The following NF2 variants were observed in gnomAD, a reference collection of about 807,000 sequenced individuals.
NF2 encodes NF2, moesin-ezrin-radixin like (MERLIN) tumor suppressor, also known as merlin.
NF2 carries 8 observed loss-of-function variants against 83.7 expected under a neutral mutation model. The observed-to-expected ratio is 0.10, with a 90% CI of 0.06 to 0.17. NF2 has a LOEUF of 0.17. NF2 is among the 10% of genes least tolerant of loss of function. The pLI is 1.00. For missense variants in NF2, 533 were observed against 744.4 expected (o/e 0.72, Z 3.31); for synonymous variants, 266 against 269.6 (o/e 0.99, Z 0.13).
intron 8 of NF2, among the ~76,000 whole-genome samples, chr22:29,661,903 T>G (rs1276941880): frequency 2.0e-5 from 3 of 152,208 alleles, no homozygotes; most frequent in Non-Finnish European, 4.4e-5. Context: ...GTGTTTTGTG[T>G]GTGTATCTCT....
chr22:29,638,803 T>C (rs1198071972), intron 2 of NF2, among the ~76,000 whole-genome samples: 1 of 152,214 alleles, frequency 6.6e-6, no homozygotes, highest in Admixed American at 6.5e-5. Context: ...ACATTTCTAG[T>C]TTTTAACTAT....
intron 15 of NF2, chr22:29,684,165 G>A (rs1341573774): frequency 6.1e-6 from 1 of 163,784 alleles, no homozygotes; most frequent in African/African-American, 2.4e-5. Flanking sequence ...AGCTGTCAGT[G>A]GTTCCAAGAA....
chr22:29,679,681 C>T (rs1445388871), intron 14 of NF2, among the ~76,000 whole-genome samples: 1 of 152,018 alleles, frequency 6.6e-6, no homozygotes, highest in East Asian at 1.9e-4. Context: ...GCCTGGGCAA[C>T]ATGGCAAAAC....
At chr22:29,650,329 C>T (rs1476448720) in intron 4 of NF2, among the ~76,000 whole-genome samples, 3 of 152,152 alleles carry the variant, frequency 2.0e-5, no homozygotes, top group Non-Finnish European at 2.9e-5. Context: ...TTTCCACATT[C>T]TTGCGAACAG....
At chr22:29,693,516 T>C (rs2067461561) in intron 15 of NF2, among the ~76,000 whole-genome samples, 1 of 152,108 alleles carries the variant, frequency 6.6e-6, no homozygotes. Context: ...GAGCCGCCGA[T>C]AGTACCGAGG....
chr22:29,641,681 G>C (rs118175651), intron 3 of NF2, among the ~76,000 whole-genome samples: 2 of 152,170 alleles, frequency 1.3e-5, no homozygotes, highest in African/African-American at 4.8e-5. Context: ...TGGACCTCAC[G>C]TGTACTTAAA....
chr22:29,689,177 C>CAAAA (rs140087), intron 15 of NF2, among the ~76,000 whole-genome samples: 3 of 89,286 alleles, frequency 3.4e-5, no homozygotes, highest in Non-Finnish European at 4.3e-5. Context: ...GACTCCGTCT[C>CAAAA]AAAAAAAAAA....
At chr22:29,676,864 G>T (rs775204851) in intron 13 of NF2, among the ~76,000 whole-genome samples, 3 of 136,800 alleles carry the variant, frequency 2.2e-5, no homozygotes, top group Non-Finnish European at 3.4e-5. Context: ...AAATTTTTAT[G>T]ATGTGTAACA....
Position 29,697,358 on chromosome 22 carries a change from A to G in NF2, c.*2556A>G. The G allele has an allele frequency of 5.0e-6, 1 of 198,258 alleles. No homozygotes were observed. Among genetic ancestry groups the G allele is most frequent in the East Asian group, 7.7e-5 (1 of 12,982 alleles). The allele number at this position is 198,258 out of a possible 1,614,324, so 12.3% of individuals were successfully genotyped here. A position where few individuals can be genotyped will look rare whatever the true frequency, so the allele number is the denominator to read the frequency against. ...CTGTGGCAGAAGCACCTGGGGCTCC[A>G]GGGAGCAGGCTGGGAACTGCAGGAC... On this transcript the variant is annotated 3_prime_UTR_variant, in exon 16 of 16. Coordinates refer to ENST00000338641, the MANE Select transcript of NF2 (RefSeq NM_000268.4).
At chr22:29,673,706 C>A (rs1014382453) in intron 12 of NF2, among the ~76,000 whole-genome samples, 1 of 152,206 alleles carries the variant, frequency 6.6e-6, no homozygotes, top group Non-Finnish European at 1.5e-5. Flanking sequence ...TCCAGGGGGG[C>A]CTCTCTGGTC....
rs559133039 is a variant in NF2 at position 29,696,927 on chromosome 22, C to G, written c.*2125C>G. 2.2e-5 allele frequency: 4 copies of G among 182,000 alleles called. No individual in the cohort carries two copies. The highest frequency in any genetic ancestry group is 4.7e-5 in the African/African-American group (2 of 42,508). 11.3% of individuals were successfully genotyped at this position (182,000 alleles called of 1,614,324 possible). A position where few individuals can be genotyped will look rare whatever the true frequency, so the allele number is the denominator to read the frequency against. On this transcript the variant is annotated 3_prime_UTR_variant, in exon 16 of 16. Transcript: ENST00000338641. Reference sequence around the variant, plus strand: ...CGCCTCCCAGGTACAAGAGATTCTCCTGCCTCAGCCTCCCGAGTAGCTGGG... The same window carrying G: ...CGCCTCCCAGGTACAAGAGATTCTCGTGCCTCAGCCTCCCGAGTAGCTGGG...
chr22:29,668,252 A>T (rs917337904), intron 9 of NF2, 81 bp from the exon 10 acceptor site: 3 of 986,112 alleles, frequency 3.0e-6, no homozygotes, highest in Non-Finnish European at 4.8e-6. Flanking sequence ...AAGAGCTCAA[A>T]CTGCTATGGC....
At chr22:29,616,985 A>G (rs888698727) in intron 1 of NF2, among the ~76,000 whole-genome samples, 3 of 151,494 alleles carry the variant, frequency 2.0e-5, no homozygotes, top group Non-Finnish European at 4.4e-5. Context: ...TTGGAAAGCA[A>G]TGGTGTGATC....
At chr22:29,649,548 A>AAAAAC (rs375726074) in intron 4 of NF2, among the ~76,000 whole-genome samples, 59 of 152,272 alleles carry the variant, frequency 3.9e-4, no homozygotes, top group African/African-American at 8.4e-4. Context: ...AGAAAAAGGC[A>AAAAAC]AAAACAAAAC....
intron 1 of NF2, among the ~76,000 whole-genome samples, chr22:29,624,327 C>T (rs2065287690): frequency 6.6e-6 from 1 of 152,136 alleles, no homozygotes; most frequent in Admixed American, 6.5e-5. Flanking sequence ...CGTGCCTCAG[C>T]CTCCTGAGTA....
At chr22:29,653,436 T>G (rs1393893368) in intron 4 of NF2, among the ~76,000 whole-genome samples, 4 of 127,754 alleles carry the variant, frequency 3.1e-5, no homozygotes, top group Non-Finnish European at 5.0e-5. Context: ...AGAGCGAGAC[T>G]CTGTCTCAAA....
intron 15 of NF2, among the ~76,000 whole-genome samples, chr22:29,687,824 A>G (rs2067304831): frequency 6.6e-6 from 1 of 152,232 alleles, no homozygotes; most frequent in South Asian, 2.1e-4. Flanking sequence ...GCAAGGATTA[A>G]CAGGGAGCAG....
intron 15 of NF2, among the ~76,000 whole-genome samples, chr22:29,690,225 G>C (rs2067369824): frequency 6.6e-6 from 1 of 152,248 alleles, no homozygotes; most frequent in Non-Finnish European, 1.5e-5. Context: ...GCATGCCTGG[G>C]TTAGAGAGTG....
At chr22:29,622,251 G>A (rs1183551105) in intron 1 of NF2, among the ~76,000 whole-genome samples, 6 of 152,118 alleles carry the variant, frequency 3.9e-5, no homozygotes, top group East Asian at 1.9e-4. Flanking sequence ...CATTTTTGCC[G>A]GATGAATGAC....
Sources: gnomAD v4.1 joint callset for allele counts (sites outside exome capture counted in the v4.1 genomes callset) on GRCh38, gnomAD v4.1.1 for gene constraint, MANE v1.5 for transcripts, NCBI Gene and HGNC (gene_info 2026-07-23, HGNC 2026-07-21) for gene names.